The following ZNF846 variants were observed in gnomAD, a reference collection of about 807,000 sequenced individuals.
ZNF846 encodes the protein zinc finger protein 846, also known as zinc finger protein 420 pseudogene.
In ZNF846, 15 loss-of-function variants were observed where a neutral mutation model predicts 16.0. The ratio of observed to expected loss-of-function variants is 0.94; its 90% CI spans 0.63 to 1.45. The LOEUF (loss-of-function observed/expected upper bound fraction) is 1.45. Ranked by LOEUF, ZNF846 falls within the 40% of genes most tolerant of loss-of-function variation. ZNF846 has a pLI of 0.00. For synonymous variants in ZNF846, 229 were observed against 212.0 expected (o/e 1.08, Z -0.70); for missense variants, 714 against 622.3 (o/e 1.15, Z -1.57).
chr19:9,757,448 T>C, downstream of ZNF846: 2 of 1,519,830 alleles, frequency 1.3e-6, no homozygotes, highest in South Asian at 2.6e-5. Flanking sequence ...TGAGTTTAGA[T>C]GTAAATACTA....
intron 1 of ZNF846, among the ~76,000 whole-genome samples, chr19:9,767,623 T>C (rs2145263090): frequency 6.6e-6 from 1 of 152,108 alleles, no homozygotes; most frequent in African/African-American, 2.4e-5. Flanking sequence ...CTTTAAAACG[T>C]AAATAAATAA....
exon 6 of ZNF846, chr19:9,758,643 T>C (rs754468070): frequency 1.9e-6 from 3 of 1,613,166 alleles, no homozygotes; most frequent in Non-Finnish European, 2.5e-6. Flanking sequence ...TCCACTCTGA[T>C]TATCCTCAGA....
chr19:9,776,513 G>A (rs2045444903), intron 1 of ZNF846, among the ~76,000 whole-genome samples: 3 of 152,214 alleles, frequency 2.0e-5, no homozygotes, highest in Non-Finnish European at 4.4e-5. Context: ...CCTGTCCAGT[G>A]GACACGTGAC....
exon 3 of ZNF846, chr19:9,763,398 G>T: frequency 6.2e-7 from 1 of 1,607,780 alleles, no homozygotes; most frequent in Non-Finnish European, 8.5e-7. Context: ...ATCCTCAAAG[G>T]TCACTAAGTG....
At chr19:9,762,003 A>C in intron 4 of ZNF846, 79 bp downstream of exon 4, 3 of 1,279,772 alleles carry the variant, frequency 2.3e-6, no homozygotes, top group Non-Finnish European at 3.4e-6. Flanking sequence ...GAAGTTCGCA[A>C]AGTAACATTT....
At chr19:9,784,512 CA>C (rs537187427) in intron 1 of ZNF846, among the ~76,000 whole-genome samples, 4 of 152,270 alleles carry the variant, frequency 2.6e-5, no homozygotes, top group Admixed American at 2.6e-4. Context: ...GGTTTTACAC[CA>C]AGACATTCCA....
chr19:9,780,809 C>G (rs1365308846), intron 1 of ZNF846, among the ~76,000 whole-genome samples: 1 of 152,140 alleles, frequency 6.6e-6, no homozygotes, highest in East Asian at 1.9e-4. Context: ...CCAGACATAC[C>G]AAAATCAGTT....
intron 1 of ZNF846, 144 bp downstream of exon 1, chr19:9,768,145 A>G (rs1294900616): frequency 1.3e-5 from 2 of 152,150 alleles, no homozygotes; most frequent in Non-Finnish European, 2.9e-5. Flanking sequence ...ACTTTGCTTT[A>G]TAACTGTGGC....
upstream of ZNF846, among the ~76,000 whole-genome samples, chr19:9,770,017 A>G (rs942909988): frequency 2.6e-5 from 4 of 151,946 alleles, no homozygotes; most frequent in African/African-American, 9.7e-5. Flanking sequence ...GTTAATCCAT[A>G]AAATGCTCTG....
chr19:9,762,378 CT>C, intron 3 of ZNF846: 1 of 456,028 alleles, frequency 2.2e-6, no homozygotes, highest in African/African-American at 2.0e-5. Context: ...TGGCTCATGC[CT>C]CATACCTCAG....
chr19:9,757,510 T>TA lies in ZNF846; in HGVS notation c.1566dup (p.Lys523Ter). ...TCACATGCCTTAGTTCTTAGATGTTTAGCAAGTGCTGAAGATTGAGTGAAG... is the reference window on the plus strand; with the variant it reads ...TCACATGCCTTAGTTCTTAGATGTTTAAGCAAGTGCTGAAGATTGAGTGAAG... On this transcript the variant is annotated frameshift_variant, in exon 6 of 6. Transcript: ENST00000397902. LOFTEE classifies it low-confidence loss of function (END_TRUNC). 1 of 1,605,570 alleles carries TA rather than the reference T, an allele frequency of 6.2e-7. No individual in the cohort carries two copies. Among genetic ancestry groups the TA allele is most frequent in the Non-Finnish European group, 8.5e-7 (1 of 1,176,460 alleles).
At chr19:9,781,745 A>C (rs1171405798) in intron 1 of ZNF846, among the ~76,000 whole-genome samples, 1 of 152,128 alleles carries the variant, frequency 6.6e-6, no homozygotes, top group African/African-American at 2.4e-5. Flanking sequence ...ATCAATGAAA[A>C]AGAAAATAGA....
At chr19:9,752,717 GC>G, downstream of ZNF846, among the ~76,000 whole-genome samples, 1 of 147,038 alleles carries the variant, frequency 6.8e-6, no homozygotes, top group Non-Finnish European at 1.5e-5. Flanking sequence ...GGATATTGAA[GC>G]TTTTTGCTTA....
At chr19:9,783,982 C>T (rs2045532064) in intron 1 of ZNF846, among the ~76,000 whole-genome samples, 1 of 152,156 alleles carries the variant, frequency 6.6e-6, no homozygotes, top group South Asian at 2.1e-4. Flanking sequence ...GGACTGCAGG[C>T]ACTAGCCATC....
downstream of ZNF846, among the ~76,000 whole-genome samples, chr19:9,749,004 C>T (rs913627999): frequency 2.0e-5 from 3 of 152,256 alleles, no homozygotes; most frequent in East Asian, 1.9e-4. Context: ...TCTACAACCG[C>T]GATGGACTGC....
At chr19:9,754,804 T>C (rs77217885), downstream of ZNF846, among the ~76,000 whole-genome samples, 2,257 of 151,356 alleles carry the variant, frequency 0.015, 132 homozygotes, top group African/African-American at 0.052. Context: ...TTTAGTGACA[T>C]CTTTTTTTCG....
upstream of ZNF846, among the ~76,000 whole-genome samples, chr19:9,769,785 G>A (rs1454531219): frequency 6.6e-6 from 1 of 151,938 alleles, no homozygotes; most frequent in Non-Finnish European, 1.5e-5. Context: ...AGACCAGCCT[G>A]GCCAACATGC....
chr19:9,755,168 A>T (rs532708507), downstream of ZNF846, among the ~76,000 whole-genome samples: 20 of 151,578 alleles, frequency 1.3e-4, no homozygotes, highest in African/African-American at 3.7e-4. Context: ...ACGGGGATTA[A>T]ATATAACATC....
At chr19:9,753,378 G>A (rs549711466), downstream of ZNF846, among the ~76,000 whole-genome samples, 1 of 150,452 alleles carries the variant, frequency 6.6e-6, no homozygotes, top group East Asian at 1.9e-4. Flanking sequence ...CAGCCTCCTG[G>A]ATAACTGGGA....
Sources: gnomAD v4.1 joint callset for allele counts (sites outside exome capture counted in the v4.1 genomes callset) on GRCh38, gnomAD v4.1.1 for gene constraint, MANE v1.5 for transcripts, NCBI Gene and HGNC (gene_info 2026-07-23, HGNC 2026-07-21) for gene names.